The following TCF4 variants were observed in gnomAD, a reference collection of about 807,000 sequenced individuals.
TCF4 encodes the protein transcription factor 4.
A neutral mutation model predicts 82.1 loss-of-function variants in TCF4; 3 were observed. The ratio of observed to expected loss-of-function variants is 0.04; its 90% CI spans 0.02 to 0.09. TCF4 has a LOEUF of 0.09. Among genes scored for constraint, TCF4 ranks in the 10% least tolerant of loss-of-function variants. The pLI is 1.00. For missense variants in TCF4, 518 were observed against 852.7 expected, an observed-to-expected ratio of 0.61 and a Z score of 4.89; for synonymous variants, 276 against 309.6, an observed-to-expected ratio of 0.89 and a Z score of 1.14.
chr18:55,609,554 C>T (rs950054264), intron 2 of TCF4, among the ~76,000 whole-genome samples: 2 of 152,210 alleles, frequency 1.3e-5, no homozygotes, highest in African/African-American at 2.4e-5. Context: ...TACAGAGGAA[C>T]GTGATAGCTG....
intron 3 of TCF4, among the ~76,000 whole-genome samples, chr18:55,467,603 CT>C (rs2145048723): frequency 6.6e-6 from 1 of 152,280 alleles, no homozygotes. Context: ...AAATTGCTGT[CT>C]GGGTTGCTGG....
chr18:55,246,597 T>C (rs2145178929), intron 15 of TCF4, among the ~76,000 whole-genome samples: 1 of 152,360 alleles, frequency 6.6e-6, no homozygotes, highest in African/African-American at 2.4e-5. Context: ...TCAAAATCTT[T>C]TGACTTTTCT....
rs190198635 is a variant in TCF4, at chr18:55,631,860, C to T, written c.196-472G>A. ...TACCAACAGGCCAGCAGACTCTGCT[C>T]AAAGGTATTAATTCCAATTCTGCAG... On this transcript the variant is annotated intron_variant, in intron 1 of 20. Coordinates refer to the TCF4 transcript ENST00000398339. Among the ~76,000 whole-genome samples, 429 of 152,314 alleles carry T rather than the reference C, an allele frequency of 2.8e-3. 2 individuals are homozygous for T. Among genetic ancestry groups the T allele is most frequent in the Middle Eastern group, 0.014 (4 of 294 alleles).
intron 6 of TCF4, among the ~76,000 whole-genome samples, chr18:55,385,356 G>A (rs1254729081): frequency 6.6e-6 from 1 of 152,106 alleles, no homozygotes; most frequent in Non-Finnish European, 1.5e-5. Flanking sequence ...CCAAATAAGA[G>A]GCCAATCTGC....
intron 8 of TCF4, among the ~76,000 whole-genome samples, chr18:55,298,184 C>T (rs2067092646): frequency 6.6e-6 from 1 of 152,202 alleles, no homozygotes; most frequent in Non-Finnish European, 1.5e-5. Flanking sequence ...TATAAACCCA[C>T]ATTTCCCAGC....
At chr18:55,527,322 G>A (rs754209835) in intron 3 of TCF4, among the ~76,000 whole-genome samples, 1 of 152,218 alleles carries the variant, frequency 6.6e-6, no homozygotes, top group African/African-American at 2.4e-5. Flanking sequence ...GGGAGGGACT[G>A]TAACAGCTAT....
chr18:55,443,098 C>G (rs1490203033), intron 5 of TCF4, among the ~76,000 whole-genome samples: 1 of 152,184 alleles, frequency 6.6e-6, no homozygotes, highest in African/African-American at 2.4e-5. Context: ...AAAAACAAGT[C>G]AGGTTCATCT....
At chr18:55,287,058 T>C (rs1217071502) in intron 8 of TCF4, among the ~76,000 whole-genome samples, 2 of 152,036 alleles carry the variant, frequency 1.3e-5, no homozygotes, top group African/African-American at 4.8e-5. Flanking sequence ...CTCCTCAAAT[T>C]CTCTTTATTG....
intron 8 of TCF4, among the ~76,000 whole-genome samples, chr18:55,305,577 T>C (rs1464825413): frequency 1.3e-5 from 2 of 152,212 alleles, no homozygotes; most frequent in Non-Finnish European, 2.9e-5. Context: ...TTTTGGTTGT[T>C]AAGCTTTCAA....
At position 55,399,829 on chromosome 18, in the gene TCF4, T is replaced by TTC. The variant is rs147568400; in HGVS notation, c.369+3623_369+3624dup. On this transcript the variant is annotated intron_variant, in intron 6 of 19. Coordinates refer to ENST00000354452, the MANE Select transcript of TCF4 (RefSeq NM_001083962.2). ...ATTGGTCTCAGATAGGCAGCTTTCT[T>TTC]TCTCTCTCTCTCTCTCTCTCCCCAT... Among the ~76,000 whole-genome samples the TTC allele has an allele frequency of 6.7e-3, 545 of 80,772 alleles. 5 individuals carry two copies. Among genetic ancestry groups the TTC allele is most frequent in the African/African-American group, 0.022 (477 of 21,840 alleles). The allele number at this position is 80,772 out of a possible 152,430, so 53.0% of individuals were successfully genotyped here.
intron 2 of TCF4, among the ~76,000 whole-genome samples, chr18:55,599,661 C>T (rs1372718803): frequency 7.9e-5 from 12 of 152,136 alleles, no homozygotes; most frequent in Admixed American, 4.6e-4. Flanking sequence ...GCAGGGATTG[C>T]GGTGAGCCGA....
At chr18:55,322,382 C>CT in intron 8 of TCF4, 1 of 988,302 alleles carries the variant, frequency 1.0e-6, no homozygotes, top group Non-Finnish European at 1.2e-6. Context: ...ACGCAGCTGC[C>CT]TGAGAACTCG....
At chr18:55,425,653 T>C (rs73477270) in intron 5 of TCF4, among the ~76,000 whole-genome samples, 8,829 of 152,266 alleles carry the variant, frequency 0.058, 430 homozygotes, top group African/African-American at 0.13. Context: ...ATTTTCAAGC[T>C]CAATAGAAAT....
chr18:55,339,484 C>T (rs1252724593), intron 8 of TCF4, among the ~76,000 whole-genome samples: 2 of 152,166 alleles, frequency 1.3e-5, no homozygotes, highest in African/African-American at 2.4e-5. Flanking sequence ...TATCGGCTTT[C>T]CAGAGAAAAA....
At chr18:55,618,744 G>A (rs561077085) in intron 2 of TCF4, among the ~76,000 whole-genome samples, 32 of 94,860 alleles carry the variant, frequency 3.4e-4, no homozygotes, top group African/African-American at 9.9e-4. Context: ...ACCATGGCTG[G>A]CTAATTAATT....
intron 2 of TCF4, among the ~76,000 whole-genome samples, chr18:55,625,259 G>A (rs983969982): frequency 8.4e-5 from 12 of 142,160 alleles, no homozygotes; most frequent in African/African-American, 3.2e-4. Flanking sequence ...TTTTTTTTGA[G>A]ATGGGAACTT....
intron 3 of TCF4, chr18:55,479,254 A>G (rs1399649284): frequency 6.5e-6 from 1 of 153,512 alleles, no homozygotes; most frequent in Non-Finnish European, 1.5e-5. Context: ...TGAAGACATG[A>G]AGACCCAATG....
chr18:55,460,970 T>A (rs760810238), intron 5 of TCF4, 49 bp downstream of exon 5: 3 of 1,534,058 alleles, frequency 2.0e-6, no homozygotes, highest in Non-Finnish European at 1.8e-6. Flanking sequence ...CCTTCTATAG[T>A]AAAACTTGAG....
intron 3 of TCF4, among the ~76,000 whole-genome samples, chr18:55,563,130 T>A (rs975659193): frequency 2.0e-5 from 3 of 151,602 alleles, no homozygotes; most frequent in Non-Finnish European, 4.4e-5. Context: ...TTCCAGCTAG[T>A]TGGGAGGTTG....
Sources: allele counts gnomAD v4.1 joint callset (sites outside exome capture counted in the v4.1 genomes callset), GRCh38; gene constraint gnomAD v4.1.1; transcripts MANE v1.5; gene names NCBI Gene and HGNC (gene_info 2026-07-23, HGNC 2026-07-21).